The following TOGARAM1 variants were observed in gnomAD, a reference collection of about 807,000 sequenced individuals.
TOGARAM1 encodes the protein TOG array regulator of axonemal microtubules protein 1.
Under a neutral mutation model 166.6 loss-of-function variants are expected in TOGARAM1, and 100 were observed. That is an observed-to-expected ratio of 0.60 (90% CI 0.51 to 0.71). TOGARAM1 has a LOEUF of 0.71. Among genes scored for constraint, TOGARAM1 ranks in the 30% least tolerant of loss-of-function variants. The pLI is 0.00. For missense variants in TOGARAM1, 2,029 were observed against 2,102.7 expected, an observed-to-expected ratio of 0.96 and a Z score of 0.69; for synonymous variants, 758 against 763.8, an observed-to-expected ratio of 0.99 and a Z score of 0.13.
At chr14:44,971,138 A>T (rs981990459) in intron 1 of TOGARAM1, among the ~76,000 whole-genome samples, 9 of 151,858 alleles carry the variant, frequency 5.9e-5, no homozygotes, top group African/African-American at 9.7e-5. Flanking sequence ...AATTGGTATA[A>T]TTTTTTCTTT....
chr14:45,003,957 C>G, intron 3 of TOGARAM1, 104 bp from the exon 4 acceptor site: 1 of 816,638 alleles, frequency 1.2e-6, no homozygotes, highest in Non-Finnish European at 1.9e-6. Flanking sequence ...AATATACATG[C>G]CAATTGGGAT....
chr14:44,981,267 T>C (rs1333879977), intron 1 of TOGARAM1, among the ~76,000 whole-genome samples: 4 of 152,194 alleles, frequency 2.6e-5, no homozygotes, highest in Admixed American at 6.5e-5. Flanking sequence ...TTGCTAAAAC[T>C]GTGAGAATGG....
chr14:44,977,928 G>A (rs1886303423), intron 1 of TOGARAM1, among the ~76,000 whole-genome samples: 1 of 152,210 alleles, frequency 6.6e-6, no homozygotes, highest in Admixed American at 6.5e-5. Context: ...GGGATTACAG[G>A]CATGAGCCAC....
intron 18 of TOGARAM1, among the ~76,000 whole-genome samples, chr14:45,069,386 TA>T (rs529691156): frequency 0.056 from 8,353 of 149,332 alleles, 337 homozygotes; most frequent in Non-Finnish European, 0.085. Context: ...TTTAAAAAAT[TA>T]AAAAAAAATA....
chr14:45,010,759 A>C (rs778743397), intron 6 of TOGARAM1, among the ~76,000 whole-genome samples: 2 of 152,198 alleles, frequency 1.3e-5, no homozygotes, highest in Admixed American at 6.5e-5. Flanking sequence ...TTCATGGCCA[A>C]AGAAAGCCAC....
intron 14 of TOGARAM1, among the ~76,000 whole-genome samples, chr14:45,050,203 A>T (rs1469430533): frequency 3.3e-5 from 5 of 152,096 alleles, no homozygotes; most frequent in Non-Finnish European, 7.4e-5. Context: ...CTCTGACATC[A>T]CTTCTCTTCC....
At position 44,964,112 on chromosome 14, in the gene TOGARAM1, G is replaced by A; in HGVS notation, c.1691G>A (p.Gly564Glu). The change falls in exon 1 of 20, where the codon GGA (glycine) becomes GAA (glutamate). Residue 564 changes from glycine (G) to glutamate (E), a missense_variant. Around this residue, in one of 2 missense-constraint regions of TOGARAM1, gnomAD observed 1,453 missense variants for 1,432.2 expected, o/e 1.01. Coordinates refer to ENST00000361462, the MANE Select transcript of TOGARAM1 (RefSeq NM_001308120.2). ...DTVELQDNGDGVMNAVQARLA... is the reference protein window; with the variant it reads ...DTVELQDNGDEVMNAVQARLA... ...GTTGAACTGCAAGATAATGGAGATG[G>A]AGTGATGAATGCTGTGCAGGCCAGA... 1 of 1,614,218 alleles carries A rather than the reference G, an allele frequency of 6.2e-7. No homozygotes were observed. The highest frequency in any genetic ancestry group is 1.7e-5 in the Admixed American group (1 of 60,028).
At position 45,054,431 on chromosome 14, in the gene TOGARAM1, G is replaced by C. The variant is rs779902942; in HGVS notation, c.4441G>C (p.Gly1481Arg). ...KDSVRNLQQK[G>R]LGEIPLDTPS... Reference sequence around the variant, plus strand: ...ATACTAATTTTATATTTACTTGCAGGGTTTGGGGGAGATACCATTAGATAC... The same window carrying C: ...ATACTAATTTTATATTTACTTGCAGCGTTTGGGGGAGATACCATTAGATAC... Residue 1481 changes from glycine (G) to arginine (R), a missense_variant and splice_region_variant, in exon 16 of 20, where the codon GGT (glycine) becomes CGT (arginine). By Grantham distance (125) the Gly-to-Arg change is moderately radical. Around this residue, in one of 2 missense-constraint regions of TOGARAM1, gnomAD observed 576 missense variants for 670.5 expected, o/e 0.86. Transcript: ENST00000361462. The C allele has an allele frequency of 1.8e-5, 29 of 1,576,474 alleles. No homozygotes were observed. The highest frequency in any genetic ancestry group is 2.4e-5 in the Non-Finnish European group (28 of 1,156,218).
intron 1 of TOGARAM1, among the ~76,000 whole-genome samples, chr14:44,966,253 C>T (rs149503839): frequency 6.6e-6 from 1 of 151,642 alleles, no homozygotes; most frequent in Non-Finnish European, 1.5e-5. Flanking sequence ...AGGCAGATAA[C>T]CTGAGGTCAG....
chr14:44,986,661 AT>A (rs568572588), intron 1 of TOGARAM1, among the ~76,000 whole-genome samples: 69 of 149,840 alleles, frequency 4.6e-4, no homozygotes, highest in South Asian at 1.7e-3. Context: ...TTTATTAAGA[AT>A]TTTTTTTTTC....
intron 5 of TOGARAM1, among the ~76,000 whole-genome samples, chr14:45,008,341 C>A (rs1566629475): frequency 6.6e-6 from 1 of 150,888 alleles, no homozygotes; most frequent in Non-Finnish European, 1.5e-5. Context: ...CAGGTTCAAG[C>A]GATTCTTGTG....
chr14:44,969,272 C>T (rs1447125969), intron 1 of TOGARAM1, among the ~76,000 whole-genome samples: 2 of 151,602 alleles, frequency 1.3e-5, no homozygotes, highest in Non-Finnish European at 2.9e-5. Flanking sequence ...CTGCCTCAGG[C>T]TCCCAAGTAG....
Position 44,963,601 on chromosome 14 carries a change from G to T in TOGARAM1, c.1180G>T (p.Gly394Cys), listed in dbSNP as rs1401995044. 2 of 1,613,540 alleles carry T rather than the reference G, an allele frequency of 1.2e-6. No individual in the cohort carries two copies. The highest frequency in any genetic ancestry group is 1.7e-6 in the Non-Finnish European group (2 of 1,179,840). ...TTCTACTCCTCATTCTAGTCTTGTT[G>T]GCTTCATTAGTTTGCTATATAATTT... ...PSSTPHSSLV[G>C]FISLLYNLLD... Residue 394 changes from glycine (G) to cysteine (C), a missense_variant, in exon 1 of 20, where the codon GGC becomes TGC. Gly to Cys is a radical substitution (Grantham distance 159, BLOSUM62 -3). Around this residue, in one of 2 missense-constraint regions of TOGARAM1, gnomAD observed 1,453 missense variants for 1,432.2 expected, o/e 1.01. Coordinates refer to ENST00000361462, the MANE Select transcript of TOGARAM1 (RefSeq NM_001308120.2).
intron 2 of TOGARAM1, chr14:44,997,050 G>T (rs1210688625): frequency 6.6e-6 from 1 of 152,270 alleles, no homozygotes; most frequent in African/African-American, 2.4e-5. Context: ...TTAAGAATCT[G>T]TTGTAGTAAT....
At chr14:45,028,920 T>A (rs921620046) in intron 10 of TOGARAM1, among the ~76,000 whole-genome samples, 4 of 152,166 alleles carry the variant, frequency 2.6e-5, no homozygotes, top group Non-Finnish European at 5.9e-5. Flanking sequence ...ACTATTAAAT[T>A]TATGTTGTAT....
At chr14:44,968,415 A>G (rs769366595) in intron 1 of TOGARAM1, among the ~76,000 whole-genome samples, 1 of 152,106 alleles carries the variant, frequency 6.6e-6, no homozygotes, top group South Asian at 2.1e-4. Flanking sequence ...ACCCGCCACC[A>G]TGCCCAGTAT....
At chr14:44,988,543 A>G (rs1021570403) in intron 1 of TOGARAM1, among the ~76,000 whole-genome samples, 1 of 152,192 alleles carries the variant, frequency 6.6e-6, no homozygotes, top group African/African-American at 2.4e-5. Flanking sequence ...AGGAATGTTG[A>G]TCAGTTAAAG....
intron 7 of TOGARAM1, among the ~76,000 whole-genome samples, chr14:45,014,043 CTTTT>C (rs33935090): frequency 2.3e-5 from 3 of 127,854 alleles, no homozygotes. Context: ...GTTGCGTAAT[CTTTT>C]TTTTTTTTTT....
intron 16 of TOGARAM1, among the ~76,000 whole-genome samples, chr14:45,064,888 G>A (rs1015138680): frequency 6.6e-6 from 1 of 152,006 alleles, no homozygotes; most frequent in Non-Finnish European, 1.5e-5. Flanking sequence ...GAGGTAGGGG[G>A]TGTGAGTGCG....
Sources: gnomAD v4.1 joint callset for allele counts (sites outside exome capture counted in the v4.1 genomes callset) on GRCh38, gnomAD v4.1.1 for gene constraint, gnomAD v4.1.1 regional missense constraint, MANE v1.5 for transcripts, NCBI Gene and HGNC (gene_info 2026-07-23, HGNC 2026-07-21) for gene names.